XIAP: variants seen among roughly 807,000 people sequenced by gnomAD.
XIAP encodes E3 ubiquitin-protein ligase XIAP.
XIAP carries 3 observed loss-of-function variants against 33.1 expected under a neutral mutation model. That is an observed-to-expected ratio of 0.09 (90% CI 0.04 to 0.23). The LOEUF is 0.23. XIAP is among the 10% of genes least tolerant of loss of function. The pLI, the probability that XIAP is intolerant of heterozygous loss-of-function variation, is 1.00. For synonymous variants in XIAP, 98 were observed against 121.3 expected (o/e 0.81, Z 1.26); for missense variants, 264 against 363.0 (o/e 0.73, Z 2.22).
In XIAP at chrX:123,910,616, T is replaced by C. The variant is rs1028886200; in HGVS notation, c.*3435T>C. 32 of 327,199 alleles carry C rather than the reference T, an allele frequency of 9.8e-5. No individual in the cohort carries two copies. The highest frequency in any genetic ancestry group is 1.7e-4 in the Non-Finnish European group (29 of 169,523). 27.0% of individuals were successfully genotyped at this position (327,199 alleles called of 1,213,427 possible). ...TGGGCTCAGTGGCTCACGCCTGTAA[T>C]CCCAGCACTTTGGGAGGCTGAGGCA... On this transcript the variant is annotated 3_prime_UTR_variant, in exon 7 of 7. Coordinates refer to ENST00000371199, the MANE Select transcript of XIAP (RefSeq NM_001167.4).
At chrX:123,884,821 C>A (rs2053336729) in intron 1 of XIAP, among the ~76,000 whole-genome samples, 1 of 111,215 alleles carries the variant, frequency 9.0e-6, no homozygotes, top group Admixed American at 9.7e-5. Context: ...GTTAAAATTA[C>A]CAGCTGTAAT....
Position 123,885,853 on chromosome X carries a change from T to C in XIAP, c.191T>C (p.Phe64Ser). ...YTGEGDTVRC[F>S]SCHAAVDRWQ... ...GGTGAAGGAGATACCGTGCGGTGCT[T>C]TAGTTGTCATGCAGCTGTAGATAGA... The change falls in exon 2 of 7, where the codon TTT (phenylalanine) becomes TCT (serine). Residue 64 changes from phenylalanine to serine, a missense_variant. By Grantham distance (155) the Phe-to-Ser change is radical. Coordinates refer to ENST00000371199, the MANE Select transcript of XIAP (RefSeq NM_001167.4). The C allele has an allele frequency of 8.3e-7, 1 of 1,211,851 alleles. No homozygotes were observed. Among genetic ancestry groups the C allele is most frequent in the Non-Finnish European group, 1.1e-6 (1 of 895,541 alleles).
Position 123,863,157 on chromosome X carries a change from A to G in XIAP, c.-33+2864A>G, listed in dbSNP as rs1423180256. Among the ~76,000 whole-genome samples the G allele has an allele frequency of 4.5e-5, 5 of 111,442 alleles. No homozygotes were observed. In the Admixed American group the frequency reaches 4.8e-4, roughly 11 times the overall value. ...TAGATAAGAACATATTTTTTAAAAA[A>G]GTTAAGACTAGGGCCAAGTGCGGTG... On this transcript the variant is annotated intron_variant, in intron 1 of 6. Coordinates refer to ENST00000371199, the MANE Select transcript of XIAP (RefSeq NM_001167.4).
In XIAP at chrX:123,874,201, C is replaced by T. The variant is rs374766028; in HGVS notation, c.-32-11430C>T. ...CAGATTACACCCATAGTCTGGTTGG[C>T]AGGATTGTACAAGGGTGCCTGACTA... On this transcript the variant is annotated intron_variant, in intron 1 of 6. Transcript: ENST00000371199. Among the ~76,000 whole-genome samples the T allele has an allele frequency of 2.1e-4, 24 of 111,680 alleles. No homozygotes were observed. The South Asian group carries it at 8.1e-3, about 38-fold the overall frequency.
At chrX:123,889,379 A>AT (rs34751026) in intron 3 of XIAP, among the ~76,000 whole-genome samples, 1 of 103,072 alleles carries the variant, frequency 9.7e-6, no homozygotes, top group African/African-American at 3.6e-5. Flanking sequence ...TAATTTTTGT[A>AT]TTTTTTAGTA....
intron 1 of XIAP, among the ~76,000 whole-genome samples, chrX:123,862,393 CAG>C (rs1253020897): frequency 2.0e-5 from 2 of 100,316 alleles, no homozygotes; most frequent in Non-Finnish European, 4.0e-5. Context: ...TTTTTTGAGA[CAG>C]AGTTTCGCTT....
At chrX:123,888,334 CAAAAA>C (rs762217859) in intron 2 of XIAP, among the ~76,000 whole-genome samples, 1 of 111,548 alleles carries the variant, frequency 9.0e-6, no homozygotes, top group Admixed American at 9.6e-5. Flanking sequence ...GACTCAGTCT[CAAAAA>C]AAGAAAGAAA....
rs1463942334 is a variant in XIAP, at chrX:123,909,541, T to A, written c.*2360T>A. On this transcript the variant is annotated 3_prime_UTR_variant, in exon 7 of 7. Transcript: ENST00000371199. ...GAAAAGTGTTAAAATTTTTAAAATA[T>A]GTTTTCCAGGACACTTCACTTCCAA... 4 of 327,147 alleles carry A rather than the reference T, an allele frequency of 1.2e-5. No individual in the cohort carries two copies. Among genetic ancestry groups the A allele is most frequent in the Non-Finnish European group, 2.4e-5 (4 of 169,562 alleles). 27.0% of individuals were successfully genotyped at this position (327,147 alleles called of 1,213,427 possible). A position where few individuals can be genotyped will look rare whatever the true frequency, so the allele number is the denominator to read the frequency against.
At chrX:123,903,635 T>C (rs1313892469) in intron 6 of XIAP, among the ~76,000 whole-genome samples, 2 of 72,520 alleles carry the variant, frequency 2.8e-5, no homozygotes, top group Non-Finnish European at 5.3e-5. Flanking sequence ...TTTTTTGTTT[T>C]GTTTTTTGTT....
At chrX:123,899,144 A>AT (rs1556407659) in intron 5 of XIAP, among the ~76,000 whole-genome samples, 657 of 50,161 alleles carry the variant, frequency 0.013, 61 homozygotes, top group Non-Finnish European at 0.018. Context: ...AAAAAAAAAA[A>AT]ATATATATAT....
In XIAP at chrX:123,899,144, A is replaced by AAAAT. The variant is rs1186271285; in HGVS notation, c.1100-1348_1100-1347insAATA. 3.0e-4 allele frequency among the ~76,000 whole-genome samples: 15 copies of AAAAT among 50,165 alleles called. 3 individuals are homozygous for AAAAT. Among genetic ancestry groups the AAAAT allele is most frequent in the Non-Finnish European group, 3.5e-4 (10 of 28,382 alleles). 43.6% of individuals were successfully genotyped at this position (50,165 alleles called of 115,157 possible). ...CAAAAAAAAAAAAAAAAAAAAAAAA[A>AAAAT]ATATATATATATATATATATATGAT... is the stretch of plus-strand genomic sequence containing the variant. On this transcript the variant is annotated intron_variant, in intron 5 of 6. Coordinates refer to ENST00000371199, the MANE Select transcript of XIAP (RefSeq NM_001167.4).
intron 5 of XIAP, among the ~76,000 whole-genome samples, chrX:123,898,614 G>A (rs780693670): frequency 6.4e-5 from 7 of 108,978 alleles, no homozygotes; most frequent in African/African-American, 2.0e-4. Flanking sequence ...TTAGCCTCCC[G>A]AAATGCTGGG....
chrX:123,899,144 A>AAAAAAAAAAATATAT (rs1186271285), intron 5 of XIAP, among the ~76,000 whole-genome samples: 1 of 50,184 alleles, frequency 2.0e-5, no homozygotes, highest in Non-Finnish European at 3.5e-5. Context: ...AAAAAAAAAA[A>AAAAAAAAAAATATAT]ATATATATAT....
At chrX:123,865,264 G>A (rs771582415) in intron 1 of XIAP, among the ~76,000 whole-genome samples, 2 of 110,929 alleles carry the variant, frequency 1.8e-5, no homozygotes, top group East Asian at 5.6e-4. Context: ...CTGTATCTTA[G>A]AGGTCATGTG....
At position 123,912,682 on chromosome X, in the gene XIAP, T is replaced by C. The variant is rs774717210; in HGVS notation, c.*5501T>C. 3.2e-5 allele frequency: 9 copies of C among 280,583 alleles called. No homozygotes were observed. Among genetic ancestry groups the C allele is most frequent in the Non-Finnish European group, 5.2e-5 (8 of 153,481 alleles). 23.1% of individuals were successfully genotyped at this position (280,583 alleles called of 1,213,427 possible). ...AAGATGTGCATACATTATATGCAAA[T>C]ACTGTTTTTTTTTTTTTTAATTTAA... On this transcript the variant is annotated 3_prime_UTR_variant, in exon 7 of 7. Transcript: ENST00000371199.
Position 123,897,486 on chromosome X carries a change from G to A in XIAP, c.1100-3007G>A, listed in dbSNP as rs778762704. On this transcript the variant is annotated intron_variant, in intron 5 of 6. Coordinates refer to ENST00000371199, the MANE Select transcript of XIAP (RefSeq NM_001167.4). The stretch of plus-strand genomic sequence containing the variant: ...CAAGTTGAGTTTGAGATACCTGCAG[G>A]ACATTGAAGTAGGAGGATAATAAAA... Among the ~76,000 whole-genome samples the A allele has an allele frequency of 5.7e-5, 6 of 105,836 alleles. No individual in the cohort carries two copies. In the South Asian group the frequency reaches 2.8e-3, roughly 49 times the overall value. 91.9% of individuals were successfully genotyped at this position (105,836 alleles called of 115,157 possible).
rs1367723564 is a variant in XIAP, at chrX:123,912,986, G to C, written c.*5805G>C. ...TAGTAGTGACTGGTTTCGCGGTGTT[G>C]ACCAGGCTGGTCTCGAACTCCTGAT... is the stretch of plus-strand genomic sequence containing the variant. On this transcript the variant is annotated 3_prime_UTR_variant, in exon 7 of 7. Coordinates refer to ENST00000371199, the MANE Select transcript of XIAP (RefSeq NM_001167.4). 3 of 287,370 alleles carry C rather than the reference G, an allele frequency of 1.0e-5. No homozygotes were observed. In the Admixed American group the frequency reaches 1.1e-4, roughly 10 times the overall value. 23.7% of individuals were successfully genotyped at this position (287,370 alleles called of 1,213,427 possible).
intron 5 of XIAP, among the ~76,000 whole-genome samples, chrX:123,895,226 A>C (rs888436477): frequency 8.9e-6 from 1 of 112,129 alleles, no homozygotes. Flanking sequence ...ATGTAAATGG[A>C]ATAATGTAAT....
At chrX:123,879,243 G>C (rs1272275582) in intron 1 of XIAP, 1 of 109,629 alleles carries the variant, frequency 9.1e-6, no homozygotes, top group Non-Finnish European at 1.9e-5. Context: ...TTGAAGACAC[G>C]GGTCTGAAGT....
Sources: gnomAD v4.1 joint callset for allele counts (sites outside exome capture counted in the v4.1 genomes callset) on GRCh38, gnomAD v4.1.1 for gene constraint, MANE v1.5 for transcripts, NCBI Gene and HGNC (gene_info 2026-07-23, HGNC 2026-07-21) for gene names.